WDR45B: variants seen among roughly 807,000 people sequenced by gnomAD.
WDR45B encodes WD repeat domain phosphoinositide-interacting protein 3.
WDR45B carries 20 observed loss-of-function variants against 44.6 expected under a neutral mutation model. That is an observed-to-expected ratio of 0.45 (90% CI 0.32 to 0.65). WDR45B has a LOEUF of 0.65. Among genes scored for constraint, WDR45B ranks in the 30% least tolerant of loss-of-function variants. The pLI is 0.05. For missense variants in WDR45B, 323 were observed against 430.2 expected (o/e 0.75, Z 2.20); for synonymous variants, 169 against 164.9 (o/e 1.02, Z -0.19).
At chr17:82,637,033 C>T (rs570953703) in intron 2 of WDR45B, among the ~76,000 whole-genome samples, 8 of 152,156 alleles carry the variant, frequency 5.3e-5, no homozygotes, top group African/African-American at 1.4e-4. Flanking sequence ...TCTCTGTGCT[C>T]TTGCCATCTT....
At chr17:82,646,647 T>C (rs1407883003) in intron 1 of WDR45B, among the ~76,000 whole-genome samples, 2 of 152,102 alleles carry the variant, frequency 1.3e-5, no homozygotes, top group African/African-American at 2.4e-5. Flanking sequence ...TATATTCAAT[T>C]TCTTAATTGT....
Position 82,621,769 on chromosome 17 carries a change from T to C in WDR45B, c.458A>G (p.Asn153Ser). 6.2e-7 allele frequency: 1 copy of C among 1,613,140 alleles called. No homozygotes were observed. Among genetic ancestry groups the C allele is most frequent in the Non-Finnish European group, 8.5e-7 (1 of 1,179,802 alleles). Reference protein sequence around the residue: ...GLCVLCPNSNNSLLAFPGTHT... With the variant: ...GLCVLCPNSNSSLLAFPGTHT... ...CGTGCCCGGAAAGGCCAGGAGGGAG[T>C]TGTTACTATTGGGACAAAGGACACA... is the stretch of plus-strand genomic sequence containing the variant. The change falls in exon 6 of 10, where the codon AAC becomes AGC. Residue 153 changes from asparagine (N) to serine (S), a missense_variant. By Grantham distance (46) the Asn-to-Ser change is conservative (BLOSUM62 1). Coordinates refer to ENST00000392325, the MANE Select transcript of WDR45B (RefSeq NM_019613.4).
In WDR45B at chr17:82,630,902, C is replaced by T. The variant is rs759579474; in HGVS notation, c.244+19G>A. ...GTGGGACACGTGAGGCATGATTCTT[C>T]AATACACAATTACAGTACCTTTGTT... On this transcript the variant is annotated intron_variant, in intron 3 of 9. Transcript: ENST00000392325. 3 of 1,607,658 alleles carry T rather than the reference C, an allele frequency of 1.9e-6. No individual in the cohort carries two copies. The South Asian group carries it at 3.3e-5, about 18-fold the overall frequency.
At chr17:82,647,045 A>G (rs1301011383) in intron 1 of WDR45B, among the ~76,000 whole-genome samples, 1 of 152,178 alleles carries the variant, frequency 6.6e-6, no homozygotes, top group African/African-American at 2.4e-5. Flanking sequence ...CCTGGCCAAC[A>G]TGGTGAAACC....
At chr17:82,619,295 C>T (rs1454301596) in intron 6 of WDR45B, among the ~76,000 whole-genome samples, 167 bp from the exon 7 acceptor site, 1 of 152,188 alleles carries the variant, frequency 6.6e-6, no homozygotes, top group Non-Finnish European at 1.5e-5. Context: ...CACAGTTGTG[C>T]CCCTGAGAAC....
intron 2 of WDR45B, among the ~76,000 whole-genome samples, chr17:82,634,554 CA>C (rs1474283388): frequency 6.6e-6 from 1 of 150,692 alleles, no homozygotes; most frequent in East Asian, 1.9e-4. Flanking sequence ...GTCATACAAG[CA>C]AAAGAACTCA....
At chr17:82,642,108 G>A (rs541555831) in intron 2 of WDR45B, among the ~76,000 whole-genome samples, 1 of 152,236 alleles carries the variant, frequency 6.6e-6, no homozygotes, top group African/African-American at 2.4e-5. Context: ...ACCTTGTTCC[G>A]TGCTTGCCCT....
chr17:82,627,450 G>A (rs1182190365), intron 3 of WDR45B, among the ~76,000 whole-genome samples, 159 bp from the exon 4 acceptor site: 2 of 152,240 alleles, frequency 1.3e-5, no homozygotes, highest in Non-Finnish European at 2.9e-5. Context: ...GGAGGCCTTG[G>A]GGTGTAACTC....
chr17:82,621,054 C>CTTTTTTTT (rs11337047), intron 6 of WDR45B, among the ~76,000 whole-genome samples: 1 of 131,328 alleles, frequency 7.6e-6, no homozygotes, highest in Non-Finnish European at 1.6e-5. Flanking sequence ...ATTTTTGTTT[C>CTTTTTTTT]TTTTTTTTTT....
chr17:82,639,638 G>T (rs2045882991), intron 2 of WDR45B, among the ~76,000 whole-genome samples: 1 of 152,068 alleles, frequency 6.6e-6, no homozygotes, highest in Non-Finnish European at 1.5e-5. Flanking sequence ...TGTGAAGCTA[G>T]ATGTGCTGAG....
rs1175551812 is a variant in WDR45B at position 82,615,071 on chromosome 17, A to C, written c.*848T>G. On this transcript the variant is annotated 3_prime_UTR_variant, in exon 10 of 10. Coordinates refer to ENST00000392325, the MANE Select transcript of WDR45B (RefSeq NM_019613.4). ...CTCTGGCAGACGACCCCGAAGTTAAAGGATGTTTTCCCCATAACGAATGTT... is the reference window on the plus strand; with the variant it reads ...CTCTGGCAGACGACCCCGAAGTTAACGGATGTTTTCCCCATAACGAATGTT... 6.6e-6 allele frequency: 1 copy of C among 152,200 alleles called. No homozygotes were observed. Among genetic ancestry groups the C allele is most frequent in the South Asian group, 2.1e-4 (1 of 4,828 alleles). The allele number at this position is 152,200 out of a possible 1,614,324, so 9.4% of individuals were successfully genotyped here. A position where few individuals can be genotyped will look rare whatever the true frequency, so the allele number is the denominator to read the frequency against.
chr17:82,618,514 C>T (rs893382285), intron 7 of WDR45B, among the ~76,000 whole-genome samples: 37 of 152,094 alleles, frequency 2.4e-4, no homozygotes, highest in African/African-American at 7.0e-4. Flanking sequence ...ACCAGAAAGA[C>T]TAAAAATAAA....
rs552139050 is a variant in WDR45B, at chr17:82,640,701, C to T, written c.142+3248G>A. ...GCAGATGAGTCTGTAAGTGCAGAGC[C>T]AAACTGTTTAAATGTGCCATCAAAA... On this transcript the variant is annotated intron_variant, in intron 2 of 9. Coordinates refer to ENST00000392325, the MANE Select transcript of WDR45B (RefSeq NM_019613.4). Among the ~76,000 whole-genome samples the T allele has an allele frequency of 1.4e-4, 22 of 152,208 alleles. 1 individual carries two copies. The South Asian group carries it at 4.4e-3, about 30-fold the overall frequency.
At chr17:82,640,855 C>T (rs1321430062) in intron 2 of WDR45B, among the ~76,000 whole-genome samples, 1 of 152,156 alleles carries the variant, frequency 6.6e-6, no homozygotes, top group Non-Finnish European at 1.5e-5. Flanking sequence ...CAGCCTGCCC[C>T]AGACACAGCC....
chr17:82,626,246 C>T (rs1482806057), intron 4 of WDR45B, among the ~76,000 whole-genome samples: 1 of 150,994 alleles, frequency 6.6e-6, no homozygotes, highest in Non-Finnish European at 1.5e-5. Context: ...CACAAAAATG[C>T]AGGAAAGTTG....
Position 82,617,582 on chromosome 17 carries a change from C to T in WDR45B, c.705-185G>A, listed in dbSNP as rs558017177. The stretch of plus-strand genomic sequence containing the variant: ...CCCACAGCACCACAGGTTGAAGCCA[C>T]AAAGCCACAGCCACAATCCAGTGTA... On this transcript the variant is annotated intron_variant, in intron 7 of 9. Coordinates refer to ENST00000392325, the MANE Select transcript of WDR45B (RefSeq NM_019613.4). 3.9e-4 allele frequency: 258 copies of T among 658,100 alleles called. No individual in the cohort carries two copies. The African/African-American group carries it at 4.1e-3, about 11-fold the overall frequency. 40.8% of individuals were successfully genotyped at this position (658,100 alleles called of 1,614,324 possible).
rs2045517322 is a variant in WDR45B, at chr17:82,615,348, C to G, written c.*571G>C. The G allele has an allele frequency of 6.1e-6, 1 of 163,930 alleles. No homozygotes were observed. The highest frequency in any genetic ancestry group is 1.7e-4 in the East Asian group (1 of 5,886). 10.2% of individuals were successfully genotyped at this position (163,930 alleles called of 1,614,324 possible). A position where few individuals can be genotyped will look rare whatever the true frequency, so the allele number is the denominator to read the frequency against. On this transcript the variant is annotated 3_prime_UTR_variant, in exon 10 of 10. Transcript: ENST00000392325. ...TACGGAGAAGACCACAGGCTGGGCT[C>G]ACACGAGGGGAAACATTCACACTGT...
chr17:82,634,549 A>G (rs1024300279), intron 2 of WDR45B, among the ~76,000 whole-genome samples: 1 of 150,812 alleles, frequency 6.6e-6, no homozygotes, highest in African/African-American at 2.5e-5. Flanking sequence ...TTCTAGTCAT[A>G]CAAGCAAAAG....
At chr17:82,629,550 G>A (rs1415919626) in intron 3 of WDR45B, 7 of 985,284 alleles carry the variant, frequency 7.1e-6, no homozygotes, top group Middle Eastern at 5.2e-4. Flanking sequence ...TTACAGAACC[G>A]CTCAAAGGCC....
Sources: allele counts gnomAD v4.1 joint callset (sites outside exome capture counted in the v4.1 genomes callset), GRCh38; gene constraint gnomAD v4.1.1; transcripts MANE v1.5; gene names NCBI Gene and HGNC (gene_info 2026-07-23, HGNC 2026-07-21).